Variants in MAGI2 observed in about 807,000 individuals in gnomAD.
MAGI2 encodes the protein membrane associated guanylate kinase, WW and PDZ domain containing 2, also known as membrane-associated guanylate kinase, WW and PDZ domain-containing protein 2.
Under a neutral mutation model 133.3 loss-of-function variants are expected in MAGI2, and 35 were observed. The observed-to-expected ratio is 0.26, with a 90% confidence interval of 0.20 to 0.35. MAGI2 has a LOEUF of 0.35. Ranked by LOEUF, MAGI2 falls within the 10% of genes least tolerant of loss-of-function variation. MAGI2 has a pLI of 1.00. For synonymous variants in MAGI2, 729 were observed against 710.6 expected (o/e 1.03, Z -0.41); for missense variants, 1,636 against 1,863.4 (o/e 0.88, Z 2.25).
intron 1 of MAGI2, among the ~76,000 whole-genome samples, chr7:79,339,253 A>C (rs926789797): frequency 1.3e-5 from 2 of 152,138 alleles, no homozygotes; most frequent in Admixed American, 6.6e-5. Flanking sequence ...TTAGCTATTT[A>C]GTAACAGTGT....
intron 10 of MAGI2, among the ~76,000 whole-genome samples, chr7:78,239,593 C>T (rs1790913667): frequency 6.6e-6 from 1 of 152,132 alleles, no homozygotes; most frequent in Admixed American, 6.5e-5. Context: ...AAAAAATAGG[C>T]AAATGCCTGA....
intron 1 of MAGI2, among the ~76,000 whole-genome samples, chr7:79,136,274 A>G (rs915835212): frequency 3.9e-5 from 6 of 152,214 alleles, no homozygotes; most frequent in Non-Finnish European, 8.8e-5. Context: ...GTTTTCAGTC[A>G]GATGTCTACT....
At chr7:79,116,209 T>C (rs1819398343) in intron 1 of MAGI2, among the ~76,000 whole-genome samples, 1 of 152,168 alleles carries the variant, frequency 6.6e-6, no homozygotes, top group Admixed American at 6.5e-5. Flanking sequence ...GATATTCAGC[T>C]TCTCTTTTCT....
intron 2 of MAGI2, among the ~76,000 whole-genome samples, chr7:78,718,005 C>A (rs1311969189): frequency 1.3e-5 from 2 of 152,162 alleles, no homozygotes; most frequent in African/African-American, 4.8e-5. Flanking sequence ...TACTTCTTGT[C>A]ATTCTGCATT....
chr7:78,341,583 A>G (rs1790378146), intron 9 of MAGI2, among the ~76,000 whole-genome samples: 1 of 152,140 alleles, frequency 6.6e-6, no homozygotes, highest in Non-Finnish European at 1.5e-5. Flanking sequence ...AGTAACCAAA[A>G]TAGCATCGTA....
chr7:78,969,240 T>C (rs989950127), intron 2 of MAGI2, among the ~76,000 whole-genome samples: 4 of 152,042 alleles, frequency 2.6e-5, no homozygotes, highest in Non-Finnish European at 2.9e-5. Flanking sequence ...TCTCGAGCTG[T>C]GTAAATGGCA....
At chr7:78,312,556 C>T (rs1379773731) in intron 9 of MAGI2, among the ~76,000 whole-genome samples, 2 of 151,960 alleles carry the variant, frequency 1.3e-5, no homozygotes, top group Non-Finnish European at 2.9e-5. Context: ...CCCATAAAGA[C>T]GAGAATAAAC....
At chr7:79,238,767 ATACTT>A (rs1303470104) in intron 1 of MAGI2, among the ~76,000 whole-genome samples, 1 of 152,168 alleles carries the variant, frequency 6.6e-6, no homozygotes, top group Non-Finnish European at 1.5e-5. Context: ...TTTGAAATTC[ATACTT>A]TATTTATGTG....
chr7:78,141,045 G>C (rs1469404170), intron 16 of MAGI2, among the ~76,000 whole-genome samples: 1 of 152,160 alleles, frequency 6.6e-6, no homozygotes, highest in Non-Finnish European at 1.5e-5. Context: ...GAGGGAATAT[G>C]TGCCCCTTGG....
intron 10 of MAGI2, among the ~76,000 whole-genome samples, chr7:78,250,459 C>G (rs1792273225): frequency 6.6e-6 from 1 of 152,016 alleles, no homozygotes; most frequent in Non-Finnish European, 1.5e-5. Context: ...CATTAATCCT[C>G]TAAGCTTCCA....
intron 20 of MAGI2, among the ~76,000 whole-genome samples, chr7:78,089,719 T>C (rs1263764288): frequency 4.6e-5 from 7 of 152,222 alleles, no homozygotes; most frequent in Non-Finnish European, 7.4e-5. Flanking sequence ...CAGTTCTACA[T>C]GTACCCTGTC....
At chr7:78,662,634 C>A (rs1813097936) in intron 2 of MAGI2, among the ~76,000 whole-genome samples, 1 of 152,086 alleles carries the variant, frequency 6.6e-6, no homozygotes, top group African/African-American at 2.4e-5. Context: ...TGTGTCTACA[C>A]CATCATTGCA....
chr7:78,157,347 G>T (rs1452372807), intron 16 of MAGI2, among the ~76,000 whole-genome samples: 2 of 152,180 alleles, frequency 1.3e-5, no homozygotes, highest in Non-Finnish European at 2.9e-5. Context: ...TTTTGAAAGT[G>T]GTTAGAATTA....
At chr7:79,434,057 A>C (rs1302731216) in intron 1 of MAGI2, among the ~76,000 whole-genome samples, 2 of 152,062 alleles carry the variant, frequency 1.3e-5, no homozygotes, top group Non-Finnish European at 2.9e-5. Context: ...TCTCAAATAG[A>C]ACAATTTTAT....
intron 2 of MAGI2, among the ~76,000 whole-genome samples, chr7:78,877,450 T>C (rs533817469): frequency 1.3e-5 from 2 of 152,220 alleles, no homozygotes; most frequent in Non-Finnish European, 2.9e-5. Context: ...TTTTTTGAGG[T>C]AGTTTTTTCA....
chr7:78,172,947 G>A (rs769839632), intron 14 of MAGI2, among the ~76,000 whole-genome samples: 3 of 152,172 alleles, frequency 2.0e-5, no homozygotes, highest in African/African-American at 4.8e-5. Flanking sequence ...TTTGGCTTTG[G>A]TTGTTTTGGA....
At chr7:78,956,401 A>T (rs1167355015) in intron 2 of MAGI2, among the ~76,000 whole-genome samples, 1 of 152,086 alleles carries the variant, frequency 6.6e-6, no homozygotes, top group African/African-American at 2.4e-5. Context: ...CATATCTCAT[A>T]GGACCTACAC....
intron 3 of MAGI2, among the ~76,000 whole-genome samples, chr7:78,522,470 C>T (rs982489846): frequency 1.3e-5 from 2 of 152,182 alleles, no homozygotes; most frequent in Non-Finnish European, 2.9e-5. Context: ...CCTCCGCCTC[C>T]TAGGTTCAAG....
intron 1 of MAGI2, among the ~76,000 whole-genome samples, chr7:79,243,975 C>G (rs1317862681): frequency 1.3e-5 from 2 of 152,080 alleles, no homozygotes; most frequent in Non-Finnish European, 2.9e-5. Flanking sequence ...ATTATGCATA[C>G]CACATCCTCT....
Sources: gnomAD v4.1 joint callset for allele counts (sites outside exome capture counted in the v4.1 genomes callset) on GRCh38, gnomAD v4.1.1 for gene constraint, MANE v1.5 for transcripts, NCBI Gene and HGNC (gene_info 2026-07-23, HGNC 2026-07-21) for gene names.